Variants in PCNX2 observed in about 807,000 individuals in gnomAD.
PCNX2 encodes pecanex 2.
Under a neutral mutation model 223.8 loss-of-function variants are expected in PCNX2, and 168 were observed. That is an observed-to-expected ratio of 0.75 (90% CI 0.66 to 0.85). PCNX2 has a LOEUF of 0.85. Among genes scored for constraint, PCNX2 ranks in the 40% least tolerant of loss-of-function variants. The pLI, the probability that PCNX2 is intolerant of heterozygous loss-of-function variation, is 0.00. For missense variants in PCNX2, 2,507 were observed against 2,675.5 expected, an observed-to-expected ratio of 0.94 and a Z score of 1.39; for synonymous variants, 1,006 against 1,052.6, an observed-to-expected ratio of 0.96 and a Z score of 0.86.
chr1:233,094,661 A>G (rs1469827908), intron 22 of PCNX2, among the ~76,000 whole-genome samples: 2 of 152,186 alleles, frequency 1.3e-5, no homozygotes. Context: ...ATTCCTGTAC[A>G]CCAAGTTAAG....
chr1:233,113,573 C>T (rs1335770683), intron 21 of PCNX2, among the ~76,000 whole-genome samples: 1 of 152,200 alleles, frequency 6.6e-6, no homozygotes, highest in Admixed American at 6.5e-5. Context: ...TATTACGAGC[C>T]TGCCTCTTGT....
intron 17 of PCNX2, among the ~76,000 whole-genome samples, chr1:233,163,825 T>C (rs979117419): frequency 2.6e-5 from 4 of 152,122 alleles, no homozygotes; most frequent in African/African-American, 9.7e-5. Flanking sequence ...TTTCACTCAG[T>C]GTACTTATTC....
intron 25 of PCNX2, among the ~76,000 whole-genome samples, chr1:233,049,371 T>C (rs1353421808): frequency 6.6e-6 from 1 of 151,768 alleles, no homozygotes; most frequent in African/African-American, 2.4e-5. Flanking sequence ...ATAAACAGAA[T>C]TAAAAACAAA....
chr1:233,221,867 G>A (rs964616522), intron 10 of PCNX2, among the ~76,000 whole-genome samples: 6 of 152,196 alleles, frequency 3.9e-5, no homozygotes, highest in African/African-American at 1.4e-4. Flanking sequence ...ATCCATGGCA[G>A]AAATTAGGAA....
intron 32 of PCNX2, among the ~76,000 whole-genome samples, chr1:232,992,784 C>T (rs1669746949): frequency 6.6e-6 from 1 of 152,112 alleles, no homozygotes; most frequent in Non-Finnish European, 1.5e-5. Flanking sequence ...GGCATGGTTC[C>T]CCCAGGCTGT....
intron 15 of PCNX2, among the ~76,000 whole-genome samples, chr1:233,189,463 C>T (rs1023388387): frequency 2.6e-5 from 4 of 152,030 alleles, no homozygotes; most frequent in Admixed American, 6.6e-5. Flanking sequence ...GTGTGTGATG[C>T]GGAGTAAATT....
At chr1:233,128,002 C>T (rs1245515342) in intron 21 of PCNX2, among the ~76,000 whole-genome samples, 1 of 152,140 alleles carries the variant, frequency 6.6e-6, no homozygotes, top group Admixed American at 6.5e-5. Context: ...TCTATCTGTA[C>T]TCACAAAATA....
chr1:233,131,942 CT>C (rs11387690), intron 21 of PCNX2, among the ~76,000 whole-genome samples: 62 of 146,878 alleles, frequency 4.2e-4, no homozygotes, highest in East Asian at 2.0e-3. Flanking sequence ...CGTTTTAGAT[CT>C]TTTTTTTTTT....
chr1:232,997,011 A>C (rs950226353), intron 32 of PCNX2, among the ~76,000 whole-genome samples: 1 of 152,210 alleles, frequency 6.6e-6, no homozygotes, highest in South Asian at 2.1e-4. Flanking sequence ...CGCTTTTTAC[A>C]TGTAAAATGT....
chr1:233,244,951 T>C (rs774891622), intron 8 of PCNX2, among the ~76,000 whole-genome samples: 8 of 152,242 alleles, frequency 5.3e-5, no homozygotes, highest in Non-Finnish European at 1.2e-4. Flanking sequence ...GATTTATTTG[T>C]TGAGGTCGTT....
Position 232,984,415 on chromosome 1 carries a change from A to T in PCNX2, c.6303T>A (p.Cys2101Ter). ...GAGTGTCCGCCACAGCCTCAGCCAG[A>T]CATCGGTCATGAAGCTGCCCCTGCT... ...ATEQGQLHDR[C>*]LAEAVADTLG... The change falls in exon 34 of 34, where the codon TGT (cysteine) becomes TGA (stop). Residue 2101 changes from cysteine (C) to a stop codon, truncating the protein, a stop_gained. Transcript: ENST00000258229. LOFTEE classifies it high-confidence loss of function. The T allele has an allele frequency of 6.2e-7, 1 of 1,613,694 alleles. No homozygotes were observed. The highest frequency in any genetic ancestry group is 1.1e-5 in the South Asian group (1 of 91,056).
intron 1 of PCNX2, among the ~76,000 whole-genome samples, chr1:233,284,069 A>G (rs1406946272): frequency 6.6e-6 from 1 of 152,204 alleles, no homozygotes; most frequent in Non-Finnish European, 1.5e-5. Flanking sequence ...AACAATCAAG[A>G]TAGGTGGCAA....
At chr1:233,266,547 C>G (rs1660340263) in intron 1 of PCNX2, among the ~76,000 whole-genome samples, 1 of 152,132 alleles carries the variant, frequency 6.6e-6, no homozygotes, top group Admixed American at 6.5e-5. Flanking sequence ...CAGAAGACCT[C>G]TAGCTTCCAG....
chr1:233,131,791 G>A (rs1367304600), intron 21 of PCNX2, among the ~76,000 whole-genome samples: 1 of 152,048 alleles, frequency 6.6e-6, no homozygotes, highest in Non-Finnish European at 1.5e-5. Flanking sequence ...CAAATAATAT[G>A]TGCTAATGCT....
chr1:233,111,994 C>T (rs754606401), intron 21 of PCNX2, among the ~76,000 whole-genome samples: 3 of 152,170 alleles, frequency 2.0e-5, no homozygotes, highest in Non-Finnish European at 2.9e-5. Flanking sequence ...ATTGCCACTG[C>T]TTTTTCTGAT....
chr1:233,019,877 T>C (rs1670818469), intron 26 of PCNX2, among the ~76,000 whole-genome samples: 2 of 152,094 alleles, frequency 1.3e-5, no homozygotes, highest in Admixed American at 1.3e-4. Context: ...CGGCCCAAAG[T>C]TGCAAGCAAA....
intron 7 of PCNX2, among the ~76,000 whole-genome samples, chr1:233,251,625 T>C (rs1033828438): frequency 1.3e-5 from 2 of 152,198 alleles, no homozygotes; most frequent in Admixed American, 6.5e-5. Context: ...TTCTTTATGA[T>C]GTAAAAGTCC....
intron 12 of PCNX2, among the ~76,000 whole-genome samples, chr1:233,212,823 A>C (rs2102919218): frequency 6.6e-6 from 1 of 152,354 alleles, no homozygotes; most frequent in East Asian, 1.9e-4. Context: ...AAGATCCATA[A>C]AACTAAGTTG....
intron 8 of PCNX2, among the ~76,000 whole-genome samples, chr1:233,248,902 G>C (rs1408669663): frequency 1.3e-5 from 2 of 152,170 alleles, no homozygotes; most frequent in Non-Finnish European, 2.9e-5. Flanking sequence ...ATGCACTGTG[G>C]CAAACCTATG....
Sources: gnomAD v4.1 joint callset for allele counts (sites outside exome capture counted in the v4.1 genomes callset) on GRCh38, gnomAD v4.1.1 for gene constraint, MANE v1.5 for transcripts, NCBI Gene and HGNC (gene_info 2026-07-23, HGNC 2026-07-21) for gene names.